SLIT2: variants seen among roughly 807,000 people sequenced by gnomAD.
SLIT2 encodes the protein slit homolog 2 protein.
Under a neutral mutation model 185.7 loss-of-function variants are expected in SLIT2, and 41 were observed. The ratio of observed to expected loss-of-function variants is 0.22; its 90% CI spans 0.17 to 0.29. SLIT2 has a LOEUF of 0.29. Among genes scored for constraint, SLIT2 ranks in the 10% least tolerant of loss-of-function variants. The probability of loss-of-function intolerance (pLI) is 1.00; values close to 1 mark genes in which losing one functional copy is unlikely to be tolerated. For synonymous variants in SLIT2, 693 were observed against 680.2 expected (o/e 1.02, Z -0.29); for missense variants, 1,571 against 1,909.0 (o/e 0.82, Z 3.30).
intron 4 of SLIT2, among the ~76,000 whole-genome samples, chr4:20,458,965 A>G (rs1713390484): frequency 6.6e-6 from 1 of 152,332 alleles, no homozygotes; most frequent in African/African-American, 2.4e-5. Context: ...TCACACTTCC[A>G]TCTGTGGAAT....
At chr4:20,372,128 A>G (rs558754431) in intron 4 of SLIT2, among the ~76,000 whole-genome samples, 1 of 152,234 alleles carries the variant, frequency 6.6e-6, no homozygotes, top group African/African-American at 2.4e-5. Flanking sequence ...TACTCTTTAT[A>G]GGTACGACAC....
rs1715459963 is a variant in SLIT2, at chr4:20,472,486, A to ATATAGATATATC, written c.467+4667_467+4668insGATATATCTATA. 3.4e-4 allele frequency among the ~76,000 whole-genome samples: 7 copies of ATATAGATATATC among 20,702 alleles called. 2 individuals are homozygous for ATATAGATATATC. The highest frequency in any genetic ancestry group is 5.8e-4 in the African/African-American group (2 of 3,462). 13.6% of individuals were successfully genotyped at this position (20,702 alleles called of 152,430 possible). The stretch of plus-strand genomic sequence containing the variant: ...TATATCTATATATAGATATATATCT[A>ATATAGATATATC]TATATAGATATATATCTATATATAG... On this transcript the variant is annotated intron_variant, in intron 5 of 36. Coordinates refer to ENST00000504154, the MANE Select transcript of SLIT2 (RefSeq NM_004787.4).
At chr4:20,321,139 A>G (rs917733836) in intron 4 of SLIT2, among the ~76,000 whole-genome samples, 4 of 152,282 alleles carry the variant, frequency 2.6e-5, no homozygotes, top group African/African-American at 4.8e-5. Flanking sequence ...AAAACAAAAC[A>G]AAACAAAACA....
chr4:20,577,748 GTAGA>G (rs1726198207), intron 29 of SLIT2, among the ~76,000 whole-genome samples: 3 of 152,186 alleles, frequency 2.0e-5, no homozygotes, highest in Non-Finnish European at 4.4e-5. Flanking sequence ...GTCTGTAGGA[GTAGA>G]GAGAATGTTT....
chr4:20,316,142 A>G (rs965609328), intron 4 of SLIT2, among the ~76,000 whole-genome samples: 2 of 152,062 alleles, frequency 1.3e-5, no homozygotes, highest in Non-Finnish European at 2.9e-5. Context: ...ATTGCTTGCT[A>G]AGTCTTGTGG....
rs1014287660 is a variant in SLIT2, at chr4:20,490,871, T to C, written c.776-890T>C. ...TATTTTTGTAGTTTAAGAGCTTGTT[T>C]AGAGGGATAGAATTAGCAGCTGGCT... On this transcript the variant is annotated intron_variant, in intron 8 of 36. Transcript: ENST00000504154. The C allele has an allele frequency of 4.0e-5, 53 of 1,328,896 alleles. No individual in the cohort carries two copies. In the Middle Eastern group the frequency reaches 5.4e-4, roughly 13 times the overall value. The allele number at this position is 1,328,896 out of a possible 1,614,324, so 82.3% of individuals were successfully genotyped here.
intron 29 of SLIT2, among the ~76,000 whole-genome samples, chr4:20,587,169 C>T (rs1007470513): frequency 6.6e-6 from 1 of 151,990 alleles, no homozygotes; most frequent in Admixed American, 6.6e-5. Flanking sequence ...CAGGCCCCCG[C>T]CACCACACCC....
chr4:20,514,738 G>A (rs186836425), intron 11 of SLIT2, among the ~76,000 whole-genome samples: 100 of 146,588 alleles, frequency 6.8e-4, no homozygotes, highest in African/African-American at 2.3e-3. Context: ...GTTTTTTAAG[G>A]CCTCTCCTAC....
chr4:20,315,190 A>G (rs1349906057), intron 4 of SLIT2, among the ~76,000 whole-genome samples: 2 of 152,118 alleles, frequency 1.3e-5, no homozygotes, highest in Non-Finnish European at 2.9e-5. Flanking sequence ...GTTTCTCAAT[A>G]AAGAGACATT....
intron 14 of SLIT2, among the ~76,000 whole-genome samples, 190 bp from the exon 15 acceptor site, chr4:20,524,959 C>T (rs1721156383): frequency 6.6e-6 from 1 of 152,112 alleles, no homozygotes; most frequent in Non-Finnish European, 1.5e-5. Context: ...AAGAACCAAG[C>T]TGGTTATTGT....
intron 17 of SLIT2, among the ~76,000 whole-genome samples, chr4:20,532,584 C>T (rs573450688): frequency 2.0e-5 from 3 of 152,260 alleles, no homozygotes; most frequent in Admixed American, 6.5e-5. Context: ...CTCCATGCCC[C>T]TGGGGAGGTG....
intron 18 of SLIT2, among the ~76,000 whole-genome samples, chr4:20,537,118 C>T (rs999936054): frequency 6.6e-6 from 1 of 152,260 alleles, no homozygotes; most frequent in Non-Finnish European, 1.5e-5. Context: ...TAGAAGTACA[C>T]TCTAAAATAA....
At chr4:20,457,011 T>C (rs540375291) in intron 4 of SLIT2, among the ~76,000 whole-genome samples, 1 of 152,268 alleles carries the variant, frequency 6.6e-6, no homozygotes, top group South Asian at 2.1e-4. Flanking sequence ...ATCATTGTTT[T>C]AATTTGCCAA....
At chr4:20,412,809 C>T (rs562452440) in intron 4 of SLIT2, among the ~76,000 whole-genome samples, 1 of 152,084 alleles carries the variant, frequency 6.6e-6, no homozygotes, top group East Asian at 1.9e-4. Context: ...AATCTTCAGC[C>T]CATTAGCAAT....
intron 16 of SLIT2, among the ~76,000 whole-genome samples, chr4:20,530,016 A>G: frequency 6.6e-6 from 1 of 151,968 alleles, no homozygotes; most frequent in Non-Finnish European, 1.5e-5. Context: ...TACTTAATTA[A>G]TTTTTAGCAA....
chr4:20,598,167 C>A, intron 32 of SLIT2, 98 bp from the exon 33 acceptor site: 3 of 1,123,450 alleles, frequency 2.7e-6, no homozygotes, highest in Admixed American at 2.5e-5. Context: ...AAACATAAAC[C>A]ATAGTAAAAC....
At chr4:20,297,206 A>C (rs1208933281) in intron 4 of SLIT2, among the ~76,000 whole-genome samples, 1 of 152,206 alleles carries the variant, frequency 6.6e-6, no homozygotes, top group African/African-American at 2.4e-5. Flanking sequence ...TAGTTAATAA[A>C]ATTGGATGAA....
Position 20,528,892 on chromosome 4 carries a change from A to G in SLIT2, c.1463-57A>G, listed in dbSNP as rs184335288. ...TCTTACTTTTTTCTTCCTACAAACT[A>G]ATAAATTTTCTAACCTTTAGACTCA... On this transcript the variant is annotated intron_variant, in intron 15 of 36. Coordinates refer to ENST00000504154, the MANE Select transcript of SLIT2 (RefSeq NM_004787.4). This position sits in a 1 kb window ranked among gnomAD's most constrained non-coding sequence, Gnocchi z 4.2. 4.9e-5 allele frequency: 69 copies of G among 1,405,790 alleles called. No homozygotes were observed. In the East Asian group the frequency reaches 1.5e-3, roughly 31 times the overall value. The allele number at this position is 1,405,790 out of a possible 1,614,324, so 87.1% of individuals were successfully genotyped here.
chr4:20,368,219 C>CAAAAAAAAAAAAAAAAAAAAAA (rs71653879), intron 4 of SLIT2, among the ~76,000 whole-genome samples: 119 of 107,118 alleles, frequency 1.1e-3, no homozygotes, highest in African/African-American at 1.3e-3. Flanking sequence ...CACAAAATAG[C>CAAAAAAAAAAAAAAAAAAAAAA]AAAAAAAAAA....
Sources: gnomAD v4.1 joint callset for allele counts (sites outside exome capture counted in the v4.1 genomes callset) on GRCh38, gnomAD v4.1.1 for gene constraint, Gnocchi (gnomAD v3.1) non-coding constraint, MANE v1.5 for transcripts, NCBI Gene and HGNC (gene_info 2026-07-23, HGNC 2026-07-21) for gene names.